TCF7L1: variants seen among roughly 807,000 people sequenced by gnomAD.
TCF7L1 encodes transcription factor 7 like 1, also known as transcription factor 7-like 1.
In TCF7L1, 18 loss-of-function variants were observed where a neutral mutation model predicts 63.7. That is an observed-to-expected ratio of 0.28 (90% CI 0.20 to 0.42). TCF7L1 has a LOEUF of 0.42. Ranked by LOEUF, TCF7L1 falls within the 10% of genes least tolerant of loss-of-function variation. The probability of loss-of-function intolerance (pLI) is 1.00; values close to 1 mark genes in which losing one functional copy is unlikely to be tolerated. For missense variants in TCF7L1, 654 were observed against 779.3 expected (o/e 0.84, Z 1.91); for synonymous variants, 355 against 340.9 (o/e 1.04, Z -0.46).
Position 85,303,943 on chromosome 2 carries a change from T to C in TCF7L1, c.707T>C (p.Leu236Pro). 1 of 1,612,578 alleles carries C rather than the reference T, an allele frequency of 6.2e-7. No individual in the cohort carries two copies. The highest frequency in any genetic ancestry group is 8.5e-7 in the Non-Finnish European group (1 of 1,179,520). Residue 236 changes from leucine to proline, a missense_variant, in exon 6 of 12, where the codon CTC becomes CCC. Physicochemically the swap from Leu to Pro is moderately conservative, Grantham distance 98. Coordinates refer to ENST00000282111, the MANE Select transcript of TCF7L1 (RefSeq NM_031283.3). ...HPSELSPYYP[L>P]SPGAVGQIPH... ...TCCGAGCTGTCACCGTATTACCCAC[T>C]CTCTCCCGGAGCTGTCGGACAAATC...
At chr2:85,308,396 T>TCCCCCTCCCTCCCTCCCTTTCCCCCTCC in intron 11 of TCF7L1, among the ~76,000 whole-genome samples, 1 of 109,428 alleles carries the variant, frequency 9.1e-6, no homozygotes, top group Non-Finnish European at 1.8e-5. Flanking sequence ...TCCCTCCCAT[T>TCCCCCTCCCTCCCTCCCTTTCCCCCTCC]CTCCTTCCCT....
intron 3 of TCF7L1, among the ~76,000 whole-genome samples, chr2:85,222,518 A>G (rs912732504): frequency 4.0e-5 from 6 of 151,324 alleles, no homozygotes; most frequent in Non-Finnish European, 8.8e-5. Context: ...AAAATACAAA[A>G]AATTAGCCCG....
chr2:85,161,177 G>T (rs1002854446), intron 3 of TCF7L1, among the ~76,000 whole-genome samples: 2 of 152,238 alleles, frequency 1.3e-5, no homozygotes, highest in Admixed American at 6.5e-5. Context: ...CTCATTTAAT[G>T]AAGTGTTGAC....
chr2:85,275,730 G>A (rs935662056), intron 3 of TCF7L1, among the ~76,000 whole-genome samples: 10 of 152,062 alleles, frequency 6.6e-5, no homozygotes, highest in African/African-American at 1.7e-4. Context: ...ACCAGCCAGG[G>A]CAACATGGTG....
chr2:85,309,860 T>G lies in TCF7L1; in HGVS notation c.*398T>G. 5.5e-6 allele frequency: 1 copy of G among 182,700 alleles called. No homozygotes were observed. The highest frequency in any genetic ancestry group is 1.1e-5 in the Non-Finnish European group (1 of 88,148). The allele number at this position is 182,700 out of a possible 1,614,324, so 11.3% of individuals were successfully genotyped here. On this transcript the variant is annotated 3_prime_UTR_variant, in exon 12 of 12. Coordinates refer to ENST00000282111, the MANE Select transcript of TCF7L1 (RefSeq NM_031283.3). ...TCTGCAGCTCTGCCATTGTGACATT[T>G]CCTGTTACCCAGCCCAAGTTTTCAT...
chr2:85,147,428 A>T (rs990739431), intron 3 of TCF7L1, among the ~76,000 whole-genome samples: 1 of 152,104 alleles, frequency 6.6e-6, no homozygotes, highest in Non-Finnish European at 1.5e-5. Flanking sequence ...ATGCTGTGGG[A>T]ACCCAAACCC....
At chr2:85,308,442 T>TCCCATTCTCCTTCCCTCCCA (rs1558663493) in intron 11 of TCF7L1, among the ~76,000 whole-genome samples, 1 of 71,776 alleles carries the variant, frequency 1.4e-5, no homozygotes, top group East Asian at 6.5e-4. Flanking sequence ...TCTCCCTCCC[T>TCCCATTCTCCTTCCCTCCCA]TTCTCTTTCC....
At chr2:85,189,569 G>A (rs1325885574) in intron 3 of TCF7L1, among the ~76,000 whole-genome samples, 1 of 152,266 alleles carries the variant, frequency 6.6e-6, no homozygotes, top group African/African-American at 2.4e-5. Context: ...GTGGGGGTAG[G>A]GGTGCTGTAC....
chr2:85,161,164 G>T (rs1678277712), intron 3 of TCF7L1, among the ~76,000 whole-genome samples: 1 of 152,178 alleles, frequency 6.6e-6, no homozygotes, highest in African/African-American at 2.4e-5. Flanking sequence ...GAACCAGATT[G>T]TTCTCATTTA....
intron 3 of TCF7L1, among the ~76,000 whole-genome samples, chr2:85,208,073 A>AT (rs1233516605): frequency 6.6e-6 from 1 of 151,860 alleles, no homozygotes; most frequent in Non-Finnish European, 1.5e-5. Context: ...CACATGGCCA[A>AT]TTTTTTGTGT....
intron 4 of TCF7L1, among the ~76,000 whole-genome samples, chr2:85,302,003 C>T (rs1681991151): frequency 6.6e-6 from 1 of 152,040 alleles, no homozygotes; most frequent in South Asian, 2.1e-4. Context: ...TGGCAGACGC[C>T]TGTAATCCCA....
At chr2:85,184,867 ATGAG>A (rs1330051665) in intron 3 of TCF7L1, among the ~76,000 whole-genome samples, 3 of 151,838 alleles carry the variant, frequency 2.0e-5, no homozygotes, top group Admixed American at 2.0e-4. Flanking sequence ...GGGCTGTCAC[ATGAG>A]TGATCCCTTC....
intron 3 of TCF7L1, among the ~76,000 whole-genome samples, chr2:85,198,044 G>A (rs1679196008): frequency 2.0e-5 from 3 of 152,226 alleles, no homozygotes; most frequent in African/African-American, 4.8e-5. Flanking sequence ...CAGTGCAAGG[G>A]AAGACAAAGA....
At chr2:85,282,819 T>C (rs184451809) in intron 3 of TCF7L1, among the ~76,000 whole-genome samples, 33 of 150,436 alleles carry the variant, frequency 2.2e-4, no homozygotes, top group African/African-American at 8.2e-4. Flanking sequence ...TGTGTGTGTG[T>C]GTGTGTGTGT....
chr2:85,169,116 A>T (rs78003764), intron 3 of TCF7L1, among the ~76,000 whole-genome samples: 1 of 152,018 alleles, frequency 6.6e-6, no homozygotes, highest in Non-Finnish European at 1.5e-5. Flanking sequence ...GCTCCTTTTC[A>T]CTTCACACAC....
chr2:85,266,676 A>C (rs759247212), intron 3 of TCF7L1, among the ~76,000 whole-genome samples: 38 of 152,366 alleles, frequency 2.5e-4, no homozygotes, highest in Non-Finnish European at 5.1e-4. Flanking sequence ...GGAGCTGTTG[A>C]GCATGCTCTG....
chr2:85,139,875 G>T (rs757396946), intron 3 of TCF7L1, among the ~76,000 whole-genome samples: 19 of 152,194 alleles, frequency 1.2e-4, no homozygotes, highest in Non-Finnish European at 2.4e-4. Context: ...TATTTAAGAG[G>T]CAGCAGAGAA....
intron 3 of TCF7L1, among the ~76,000 whole-genome samples, chr2:85,259,067 C>T (rs1009170502): frequency 2.0e-5 from 3 of 152,192 alleles, no homozygotes; most frequent in African/African-American, 7.2e-5. Flanking sequence ...GGGACAGAAG[C>T]CCTGTCCTCC....
intron 3 of TCF7L1, among the ~76,000 whole-genome samples, chr2:85,240,407 T>C (rs1680296217): frequency 6.6e-6 from 1 of 152,198 alleles, no homozygotes; most frequent in African/African-American, 2.4e-5. Context: ...AGGGCTGATA[T>C]GGGAACTTCC....
Sources: allele counts gnomAD v4.1 joint callset (sites outside exome capture counted in the v4.1 genomes callset), GRCh38; gene constraint gnomAD v4.1.1; transcripts MANE v1.5; gene names NCBI Gene and HGNC (gene_info 2026-07-23, HGNC 2026-07-21).